Variants in STPG2 observed in about 807,000 individuals in gnomAD.
STPG2 encodes the protein sperm tail PG-rich repeat containing 2.
STPG2 carries 56 observed loss-of-function variants against 54.2 expected under a neutral mutation model. The ratio of observed to expected loss-of-function variants is 1.03; its 90% CI spans 0.83 to 1.29. The LOEUF is 1.29. Among genes scored for constraint, STPG2 ranks in the 50% most tolerant of loss-of-function variants. The pLI is 0.00. For missense variants in STPG2, 596 were observed against 544.9 expected, an observed-to-expected ratio of 1.09 and a Z score of -0.93; for synonymous variants, 200 against 181.8, an observed-to-expected ratio of 1.10 and a Z score of -0.81.
intron 9 of STPG2, among the ~76,000 whole-genome samples, chr4:97,823,133 C>T (rs1374009688): frequency 4.6e-5 from 7 of 152,196 alleles, no homozygotes; most frequent in Non-Finnish European, 1.0e-4. Flanking sequence ...ATCAAGCTAA[C>T]ATCATTTATG....
chr4:98,071,154 C>T (rs2860068), intron 5 of STPG2, among the ~76,000 whole-genome samples: 60,076 of 151,656 alleles, frequency 0.4, 12,126 homozygotes, highest in Middle Eastern at 0.46. Context: ...TCATGCTACC[C>T]GACTTCAAAC....
At chr4:97,721,875 C>G (rs1224745053) in intron 9 of STPG2, among the ~76,000 whole-genome samples, 1 of 151,944 alleles carries the variant, frequency 6.6e-6, no homozygotes, top group African/African-American at 2.4e-5. Context: ...TCAAAATACT[C>G]TTTTTAAAAC....
At chr4:98,089,739 G>T (rs1444694483) in intron 5 of STPG2, among the ~76,000 whole-genome samples, 2 of 149,662 alleles carry the variant, frequency 1.3e-5, no homozygotes, top group Non-Finnish European at 1.5e-5. Flanking sequence ...TTCTAATTAT[G>T]GTCATTCTTG....
At chr4:98,095,491 T>C (rs1384628131) in intron 5 of STPG2, among the ~76,000 whole-genome samples, 1 of 152,050 alleles carries the variant, frequency 6.6e-6, no homozygotes, top group Admixed American at 6.6e-5. Flanking sequence ...ACCATGCCAA[T>C]GGAAGCCAAA....
chr4:97,533,620 G>A (rs75876893), intron 4 of STPG2, among the ~76,000 whole-genome samples: 3 of 151,964 alleles, frequency 2.0e-5, no homozygotes, highest in Non-Finnish European at 4.4e-5. Context: ...CTGATATCAT[G>A]ATTATTAGCA....
At chr4:98,114,757 T>TG (rs1178063641) in intron 3 of STPG2, among the ~76,000 whole-genome samples, 512 of 20,540 alleles carry the variant, frequency 0.025, 16 homozygotes, top group East Asian at 0.19. Flanking sequence ...ATATCCATTT[T>TG]TTTTTTTTTG....
chr4:97,481,204 A>T (rs1298383053), intron 4 of STPG2, among the ~76,000 whole-genome samples: 1 of 151,574 alleles, frequency 6.6e-6, no homozygotes, highest in African/African-American at 2.4e-5. Context: ...TTAACAGACC[A>T]TCTACAATAG....
chr4:97,785,436 T>C (rs1726794782), intron 9 of STPG2, among the ~76,000 whole-genome samples: 1 of 152,092 alleles, frequency 6.6e-6, no homozygotes, highest in Admixed American at 6.6e-5. Context: ...TTTCATGTCA[T>C]TGATATAAGT....
In STPG2 at chr4:97,712,807, T is replaced by C. The variant is rs763111931; in HGVS notation, c.1212A>G (p.Ala404=). 17 of 1,590,288 alleles carry C rather than the reference T, an allele frequency of 1.1e-5. No individual in the cohort carries two copies. The highest frequency in any genetic ancestry group is 1.5e-5 in the Non-Finnish European group (17 of 1,167,744). Residue 404 remains alanine (A), a synonymous_variant, in exon 10 of 11, where the codon GCA becomes GCG. Transcript: ENST00000295268. ...ATTTCCTTAAAACAGGATTGTATGC[T>C]GCAGGACCTGAGAGACAACAAATGT... ...LEKVTDGPGP[A]AYNPVLRKSC...
At chr4:97,797,343 T>C (rs1278448766) in intron 9 of STPG2, among the ~76,000 whole-genome samples, 4 of 152,264 alleles carry the variant, frequency 2.6e-5, no homozygotes, top group African/African-American at 7.2e-5. Flanking sequence ...ATAGCTCTTA[T>C]TATTTTGAGA....
At chr4:97,989,496 A>G (rs1375582470) in intron 5 of STPG2, among the ~76,000 whole-genome samples, 2 of 152,200 alleles carry the variant, frequency 1.3e-5, no homozygotes, top group African/African-American at 4.8e-5. Flanking sequence ...ACACAGAAAG[A>G]TTAATAACAA....
At position 97,506,019 on chromosome 4, in the gene STPG2, CAAAAAAA is replaced by C. The variant is rs59206485; in HGVS notation, c.462+206673_462+206679del. Among the ~76,000 whole-genome samples, 4 of 16,932 alleles carry C rather than the reference CAAAAAAA, an allele frequency of 2.4e-4. No individual in the cohort carries two copies. The South Asian group carries it at 8.2e-3, about 35-fold the overall frequency. The allele number at this position is 16,932 out of a possible 152,430, so 11.1% of individuals were successfully genotyped here. A position where few individuals can be genotyped will look rare whatever the true frequency, so the allele number is the denominator to read the frequency against. On this transcript the variant is annotated intron_variant, in intron 4 of 4. Transcript: ENST00000522676. Reference sequence around the variant, plus strand: ...AATTCAGGACCAGAAAATAGGAGACCAAAAAAAAAAAAAAAAAAAAAAAAAAAGGCTT... The same window carrying C: ...AATTCAGGACCAGAAAATAGGAGACCAAAAAAAAAAAAAAAAAAAAGGCTT...
chr4:98,081,490 T>G (rs1197088148), intron 5 of STPG2, among the ~76,000 whole-genome samples: 1 of 152,212 alleles, frequency 6.6e-6, no homozygotes, highest in Admixed American at 6.5e-5. Context: ...AAAAAACTGA[T>G]GGGAGACCAT....
chr4:97,813,697 A>AAAAAG (rs1727815353), intron 9 of STPG2, among the ~76,000 whole-genome samples: 1 of 134,700 alleles, frequency 7.4e-6, no homozygotes, highest in Non-Finnish European at 1.6e-5. Context: ...AAAAAAAAAA[A>AAAAAG]AAAAAAAAAA....
intron 10 of STPG2, among the ~76,000 whole-genome samples, chr4:97,590,640 C>CACACAG (rs1553940796): frequency 2.6e-4 from 38 of 144,870 alleles, no homozygotes; most frequent in African/African-American, 8.2e-4. Context: ...GACACACAGA[C>CACACAG]ACACACACAC....
intron 10 of STPG2, among the ~76,000 whole-genome samples, chr4:97,668,575 A>G (rs1722594950): frequency 6.6e-6 from 1 of 151,880 alleles, no homozygotes; most frequent in South Asian, 2.1e-4. Context: ...TGTAAAGACT[A>G]AATTCACAGG....
intron 4 of STPG2, among the ~76,000 whole-genome samples, chr4:97,511,340 G>A (rs1474888326): frequency 6.6e-6 from 1 of 151,662 alleles, no homozygotes; most frequent in African/African-American, 2.4e-5. Context: ...AGAATTTATG[G>A]TGAAAAAAAC....
chr4:97,791,037 GT>G (rs1403066308), intron 9 of STPG2, among the ~76,000 whole-genome samples: 5 of 152,054 alleles, frequency 3.3e-5, no homozygotes, highest in African/African-American at 4.8e-5. Flanking sequence ...TGGGAGTTCA[GT>G]TTATGTCCCT....
rs556283333 is a variant in STPG2, at chr4:98,020,888, G to A, written c.613-39570C>T. Among the ~76,000 whole-genome samples the A allele has an allele frequency of 3.6e-3, 546 of 151,812 alleles. 5 individuals are homozygous for A. Among genetic ancestry groups the A allele is most frequent in the African/African-American group, 0.012 (489 of 41,380 alleles). On this transcript the variant is annotated intron_variant, in intron 5 of 10. Transcript: ENST00000295268. Reference sequence around the variant, plus strand: ...TATCCCCTTTATCATTTTTTATTGCGTCTATTTGATTCTTCTCTCTTTTCT... The same window carrying A: ...TATCCCCTTTATCATTTTTTATTGCATCTATTTGATTCTTCTCTCTTTTCT...
Sources: allele counts gnomAD v4.1 joint callset (sites outside exome capture counted in the v4.1 genomes callset), GRCh38; gene constraint gnomAD v4.1.1; transcripts MANE v1.5; gene names NCBI Gene and HGNC (gene_info 2026-07-23, HGNC 2026-07-21).